The following MIR2052HG variants were observed in gnomAD, a reference collection of about 807,000 sequenced individuals.
MIR2052HG encodes MIR2052 host gene.
chr8:74,631,103 A>T (rs1167315799), intron 2 of MIR2052HG, among the ~76,000 whole-genome samples: 1 of 152,200 alleles, frequency 6.6e-6, no homozygotes, highest in Non-Finnish European at 1.5e-5. Context: ...GTATTAGAGT[A>T]GTTTGAGGAT....
At chr8:74,672,776 AATAT>A (rs1809006910) in intron 2 of MIR2052HG, among the ~76,000 whole-genome samples, 1 of 152,072 alleles carries the variant, frequency 6.6e-6, no homozygotes, top group African/African-American at 2.4e-5. Flanking sequence ...TTATTATTTT[AATAT>A]CTGCTGAATT....
intron 1 of MIR2052HG, chr8:74,603,343 T>C (rs1005638345): frequency 6.2e-7 from 1 of 1,610,254 alleles, no homozygotes; most frequent in African/African-American, 1.3e-5. Flanking sequence ...GATTAGATAT[T>C]GAGCCAGGCT....
At chr8:74,748,025 G>A (rs1215112454) in intron 4 of MIR2052HG, among the ~76,000 whole-genome samples, 1 of 152,094 alleles carries the variant, frequency 6.6e-6, no homozygotes, top group Non-Finnish European at 1.5e-5. Flanking sequence ...CATTGTCAAA[G>A]CCCACTTCTG....
At chr8:74,734,198 T>A (rs944137390) in intron 4 of MIR2052HG, among the ~76,000 whole-genome samples, 1 of 131,322 alleles carries the variant, frequency 7.6e-6, no homozygotes, top group African/African-American at 3.1e-5. Context: ...TGGGGTTAGA[T>A]TTTATGTTAA....
chr8:74,712,484 T>G (rs933554156), intron 4 of MIR2052HG, among the ~76,000 whole-genome samples: 1 of 152,180 alleles, frequency 6.6e-6, no homozygotes, highest in African/African-American at 2.4e-5. Flanking sequence ...ATATCTCTCT[T>G]GAGTAGGCAG....
At chr8:74,621,839 A>G (rs187519766) in intron 2 of MIR2052HG, among the ~76,000 whole-genome samples, 1 of 152,354 alleles carries the variant, frequency 6.6e-6, no homozygotes, top group Admixed American at 6.5e-5. Flanking sequence ...GAAAAACTAT[A>G]TACCCACATG....
At chr8:74,716,917 T>G (rs1263930377) in intron 4 of MIR2052HG, among the ~76,000 whole-genome samples, 1 of 152,206 alleles carries the variant, frequency 6.6e-6, no homozygotes, top group Non-Finnish European at 1.5e-5. Context: ...GCTATGAATA[T>G]TATTTATTCT....
intron 4 of MIR2052HG, among the ~76,000 whole-genome samples, chr8:74,752,093 C>A (rs1430484509): frequency 6.6e-6 from 1 of 151,698 alleles, no homozygotes; most frequent in Admixed American, 6.6e-5. Flanking sequence ...CTAGCCTGGG[C>A]AACATAGTGA....
At chr8:74,660,434 C>T (rs896382879) in intron 2 of MIR2052HG, among the ~76,000 whole-genome samples, 4 of 152,132 alleles carry the variant, frequency 2.6e-5, no homozygotes, top group African/African-American at 7.2e-5. Context: ...CAGGTTTCTG[C>T]GCAAGAGAGA....
intron 4 of MIR2052HG, among the ~76,000 whole-genome samples, chr8:74,735,779 G>A (rs1325582770): frequency 6.6e-6 from 1 of 152,204 alleles, no homozygotes; most frequent in Middle Eastern, 3.2e-3. Context: ...GGACTCAAAT[G>A]ACTGATGTTG....
At chr8:74,606,620 G>C (rs964390560) in intron 1 of MIR2052HG, among the ~76,000 whole-genome samples, 1 of 152,114 alleles carries the variant, frequency 6.6e-6, no homozygotes, top group Non-Finnish European at 1.5e-5. Context: ...TTATAAGTGG[G>C]AGCTAAATGA....
intron 2 of MIR2052HG, among the ~76,000 whole-genome samples, chr8:74,617,114 A>G (rs764247660): frequency 6.6e-6 from 1 of 152,178 alleles, no homozygotes; most frequent in Non-Finnish European, 1.5e-5. Flanking sequence ...TTTAATATAT[A>G]GGAGTACAAG....
At chr8:74,739,365 C>T (rs536948870) in intron 4 of MIR2052HG, among the ~76,000 whole-genome samples, 6 of 152,184 alleles carry the variant, frequency 3.9e-5, no homozygotes, top group Non-Finnish European at 7.3e-5. Flanking sequence ...ACCATATGAA[C>T]GTTCCCCAGG....
At chr8:74,690,267 G>A (rs1436670244) in intron 2 of MIR2052HG, among the ~76,000 whole-genome samples, 1 of 152,118 alleles carries the variant, frequency 6.6e-6, no homozygotes, top group Non-Finnish European at 1.5e-5. Context: ...ACTCTCTTTG[G>A]TATTTTCAGA....
intron 2 of MIR2052HG, among the ~76,000 whole-genome samples, chr8:74,629,095 T>G (rs1808475260): frequency 6.6e-6 from 1 of 152,132 alleles, no homozygotes; most frequent in African/African-American, 2.4e-5. Flanking sequence ...TTCACACAGA[T>G]TTGCTCATGA....
At chr8:74,711,205 C>T (rs1809464883) in intron 4 of MIR2052HG, among the ~76,000 whole-genome samples, 1 of 152,192 alleles carries the variant, frequency 6.6e-6, no homozygotes, top group Non-Finnish European at 1.5e-5. Flanking sequence ...CTAGCTGTCA[C>T]ACATTCTCCT....
At chr8:74,709,187 A>G (rs1809442228) in intron 4 of MIR2052HG, among the ~76,000 whole-genome samples, 2 of 152,160 alleles carry the variant, frequency 1.3e-5, no homozygotes, top group South Asian at 2.1e-4. Context: ...TCAGGGAACT[A>G]CTGGGACTTG....
At chr8:74,733,082 ATTTAT>A in intron 4 of MIR2052HG, among the ~76,000 whole-genome samples, 1 of 149,554 alleles carries the variant, frequency 6.7e-6, no homozygotes, top group African/African-American at 2.5e-5. Context: ...TTATTTATTT[ATTTAT>A]TTTATTATTA....
chr8:74,736,062 T>C (rs1809741751), intron 4 of MIR2052HG, among the ~76,000 whole-genome samples: 2 of 152,184 alleles, frequency 1.3e-5, no homozygotes, highest in African/African-American at 4.8e-5. Flanking sequence ...TTATGAAAAA[T>C]GTGTGTTAGA....
Sources: gnomAD v4.1 joint callset for allele counts (sites outside exome capture counted in the v4.1 genomes callset) on GRCh38, gnomAD v4.1.1 for gene constraint, MANE v1.5 for transcripts, NCBI Gene and HGNC (gene_info 2026-07-23, HGNC 2026-07-21) for gene names.